Variants in IGSF10 observed in about 807,000 individuals in gnomAD.
IGSF10 encodes calvaria mechanical force protein 608.
A neutral mutation model predicts 128.2 loss-of-function variants in IGSF10; 126 were observed. The ratio of observed to expected loss-of-function variants is 0.98; its 90% CI spans 0.85 to 1.14. IGSF10 has a LOEUF of 1.14. IGSF10 is among the 50% of genes most tolerant of loss of function. The probability of loss-of-function intolerance (pLI) is 0.00; values close to 1 mark genes in which losing one functional copy is unlikely to be tolerated. For synonymous variants in IGSF10, 1,185 were observed against 1,146.2 expected (o/e 1.03, Z -0.68); for missense variants, 3,295 against 3,149.8 (o/e 1.05, Z -1.10).
chr3:151,465,855 A>T (rs1226221282), upstream of IGSF10, among the ~76,000 whole-genome samples: 3 of 152,168 alleles, frequency 2.0e-5, no homozygotes, highest in East Asian at 5.8e-4. Context: ...TGAAAACCTA[A>T]CTTAGGAATA....
the IGSF10 span, among the ~76,000 whole-genome samples, chr3:151,609,465 C>G: frequency 1.3e-5 from 2 of 152,062 alleles, no homozygotes; most frequent in African/African-American, 4.8e-5. Flanking sequence ...TCTCTAGCTG[C>G]CTTTTGACTT....
the IGSF10 span, among the ~76,000 whole-genome samples, chr3:151,512,375 C>T: frequency 1.7e-4 from 26 of 152,120 alleles, no homozygotes; most frequent in Admixed American, 2.6e-4. Flanking sequence ...GGGTACATAA[C>T]GAAATGAAGG....
chr3:151,534,225 C>T, the IGSF10 span, among the ~76,000 whole-genome samples: 1 of 152,146 alleles, frequency 6.6e-6, no homozygotes. Flanking sequence ...ATTAGTTCAA[C>T]CATTGTGGAA....
chr3:151,617,705 T>A, the IGSF10 span, among the ~76,000 whole-genome samples: 1 of 152,010 alleles, frequency 6.6e-6, no homozygotes, highest in Non-Finnish European at 1.5e-5. Context: ...GAGCAAAGTG[T>A]TATAGTGTGA....
chr3:151,607,402 T>A, the IGSF10 span, among the ~76,000 whole-genome samples: 87,070 of 150,904 alleles, frequency 0.58, 25,281 homozygotes, highest in East Asian at 0.71. Context: ...TATAAAATTT[T>A]AAAAAAAAAC....
At chr3:151,507,700 C>T in the IGSF10 span, among the ~76,000 whole-genome samples, 3 of 152,242 alleles carry the variant, frequency 2.0e-5, no homozygotes, top group African/African-American at 7.2e-5. Flanking sequence ...ATCATAAGAA[C>T]AGCATGAGGG....
the IGSF10 span, among the ~76,000 whole-genome samples, chr3:151,557,894 A>C: frequency 6.8e-6 from 1 of 148,082 alleles, no homozygotes; most frequent in Admixed American, 6.9e-5. Flanking sequence ...AGACATCTTC[A>C]CAAGTTGGGG....
At chr3:151,596,520 A>G in the IGSF10 span, among the ~76,000 whole-genome samples, 1 of 152,004 alleles carries the variant, frequency 6.6e-6, no homozygotes. Context: ...TTTTCTATGC[A>G]TGTTCTTATG....
At chr3:151,539,466 G>T in the IGSF10 span, among the ~76,000 whole-genome samples, 1 of 152,246 alleles carries the variant, frequency 6.6e-6, no homozygotes, top group Admixed American at 6.5e-5. Flanking sequence ...GTGGAGCATT[G>T]TTTCTACTTA....
intron 4 of IGSF10, among the ~76,000 whole-genome samples, chr3:151,454,569 T>A (rs1166195023): frequency 1.8e-5 from 2 of 112,350 alleles, no homozygotes; most frequent in African/African-American, 6.7e-5. Context: ...TTGTCCATGG[T>A]TGAAAATTTT....
At chr3:151,586,537 A>G in the IGSF10 span, among the ~76,000 whole-genome samples, 2 of 152,200 alleles carry the variant, frequency 1.3e-5, no homozygotes, top group Admixed American at 6.5e-5. Flanking sequence ...ATGTAATTAG[A>G]TCAGAAATAG....
chr3:151,615,094 T>A, the IGSF10 span, among the ~76,000 whole-genome samples: 1 of 152,070 alleles, frequency 6.6e-6, no homozygotes. Flanking sequence ...TTTGTTTACA[T>A]ATTTACATTT....
chr3:151,463,523 G>GTTTTTTTTTTTTGTTTTTTTTT (rs1553837067), upstream of IGSF10, among the ~76,000 whole-genome samples: 14 of 31,294 alleles, frequency 4.5e-4, 3 homozygotes, highest in African/African-American at 7.3e-4. Flanking sequence ...ACATTTTCTG[G>GTTTTTTTTTTTTGTTTTTTTTT]TTTTTTTTTT....
At chr3:151,619,310 A>G in the IGSF10 span, among the ~76,000 whole-genome samples, 1 of 152,132 alleles carries the variant, frequency 6.6e-6, no homozygotes, top group African/African-American at 2.4e-5. Context: ...TTACTTCACC[A>G]TAAATATGAA....
the IGSF10 span, among the ~76,000 whole-genome samples, chr3:151,503,706 G>A: frequency 3.9e-5 from 6 of 152,256 alleles, no homozygotes; most frequent in Admixed American, 2.0e-4. Context: ...TCTAATGCAC[G>A]CCAAATTGGC....
chr3:151,565,830 A>G, the IGSF10 span: 1 of 152,052 alleles, frequency 6.6e-6, no homozygotes, highest in Non-Finnish European at 1.5e-5. Flanking sequence ...AGAGTGATAG[A>G]TTAAGATGAT....
the IGSF10 span, among the ~76,000 whole-genome samples, chr3:151,549,607 T>C: frequency 6.6e-6 from 1 of 152,222 alleles, no homozygotes; most frequent in South Asian, 2.1e-4. Flanking sequence ...TCAGTATCAC[T>C]CATTCATATT....
the IGSF10 span, among the ~76,000 whole-genome samples, chr3:151,484,487 C>T: frequency 6.6e-6 from 1 of 152,132 alleles, no homozygotes; most frequent in African/African-American, 2.4e-5. Flanking sequence ...GTCCCTGACC[C>T]CTGTGTATCC....
At chr3:151,506,339 A>G in the IGSF10 span, among the ~76,000 whole-genome samples, 1 of 152,152 alleles carries the variant, frequency 6.6e-6, no homozygotes, top group African/African-American at 2.4e-5. Context: ...GACTCCACCA[A>G]TTACCCTGAA....
Sources: gnomAD v4.1 joint callset for allele counts (sites outside exome capture counted in the v4.1 genomes callset) on GRCh38, gnomAD v4.1.1 for gene constraint, MANE v1.5 for transcripts, NCBI Gene and HGNC (gene_info 2026-07-23, HGNC 2026-07-21) for gene names.